The following COL23A1 variants were observed in gnomAD, a reference collection of about 807,000 sequenced individuals.
The protein encoded by COL23A1 is collagen alpha-1(XXIII) chain.
COL23A1 carries 97 observed loss-of-function variants against 99.3 expected under a neutral mutation model. That is an observed-to-expected ratio of 0.98 (90% CI 0.83 to 1.16). The LOEUF (loss-of-function observed/expected upper bound fraction) is 1.16, where lower values mean the gene tolerates loss of function less well. COL23A1 is among the 50% of genes most tolerant of loss of function. The probability of loss-of-function intolerance (pLI) is 0.00; values close to 1 mark genes in which losing one functional copy is unlikely to be tolerated. For missense variants in COL23A1, 762 were observed against 757.4 expected (o/e 1.01, Z -0.07); for synonymous variants, 320 against 308.2 (o/e 1.04, Z -0.40).
intron 2 of COL23A1, among the ~76,000 whole-genome samples, chr5:178,467,464 A>G (rs1027054696): frequency 2.0e-5 from 3 of 152,136 alleles, no homozygotes; most frequent in Admixed American, 6.5e-5. Context: ...CTTTAGCCGG[A>G]CTACACGGAG....
chr5:178,553,003 T>G (rs1411943754), intron 2 of COL23A1, among the ~76,000 whole-genome samples: 1 of 151,996 alleles, frequency 6.6e-6, no homozygotes, highest in African/African-American at 2.4e-5. Context: ...CCACTGCGCC[T>G]GGCCAGGAAA....
At position 178,366,153 on chromosome 5, in the gene COL23A1, C is replaced by T. The variant is rs1762465378; in HGVS notation, c.362-59234G>A. Among the ~76,000 whole-genome samples the T allele has an allele frequency of 6.6e-6, 1 of 152,184 alleles. No individual in the cohort carries two copies. Among genetic ancestry groups the T allele is most frequent in the South Asian group, 2.1e-4 (1 of 4,834 alleles). On this transcript the variant is annotated intron_variant, in intron 2 of 28. Coordinates refer to ENST00000390654, the MANE Select transcript of COL23A1 (RefSeq NM_173465.4). This position sits in a 1 kb window ranked among gnomAD's most constrained non-coding sequence, Gnocchi z 4.4. ...ATCTACCCTACGAGGAGGCGAGTCC[C>T]CAAGGGCAGGGCTGGGTCTGATTCA... is the stretch of plus-strand genomic sequence containing the variant.
chr5:178,552,818 A>T (rs1762069770), intron 2 of COL23A1, among the ~76,000 whole-genome samples: 1 of 151,466 alleles, frequency 6.6e-6, no homozygotes, highest in South Asian at 2.1e-4. Context: ...GGTTCAAGTG[A>T]TTCTCCTGCC....
At chr5:178,355,924 C>G (rs1356228445) in intron 2 of COL23A1, among the ~76,000 whole-genome samples, 2 of 152,204 alleles carry the variant, frequency 1.3e-5, no homozygotes, top group Admixed American at 1.3e-4. Flanking sequence ...GATTATACCA[C>G]TTGAATGTTG....
chr5:178,514,927 G>C (rs1759419678), intron 2 of COL23A1, among the ~76,000 whole-genome samples: 1 of 152,216 alleles, frequency 6.6e-6, no homozygotes, highest in South Asian at 2.1e-4. Context: ...TCAGTAAAGG[G>C]ACCAAGTCTC....
intron 28 of COL23A1, 111 bp from the exon 29 acceptor site, chr5:178,238,811 T>TC (rs1467253232): frequency 5.0e-6 from 7 of 1,392,542 alleles, no homozygotes; most frequent in Middle Eastern, 2.5e-4. Flanking sequence ...CTATCTTCCC[T>TC]CCCCCCACTC....
At chr5:178,507,584 A>T (rs970185919) in intron 2 of COL23A1, among the ~76,000 whole-genome samples, 1 of 152,074 alleles carries the variant, frequency 6.6e-6, no homozygotes, top group African/African-American at 2.4e-5. Flanking sequence ...GAGAATCTTG[A>T]TTCCTCATTA....
At chr5:178,260,777 A>AG (rs1279634403) in intron 11 of COL23A1, among the ~76,000 whole-genome samples, 1 of 151,950 alleles carries the variant, frequency 6.6e-6, no homozygotes, top group African/African-American at 2.4e-5. Context: ...CTGGGCGACA[A>AG]GAGCAAGACT....
intron 2 of COL23A1, among the ~76,000 whole-genome samples, chr5:178,524,242 T>G (rs965832430): frequency 6.6e-6 from 1 of 152,226 alleles, no homozygotes; most frequent in Admixed American, 6.5e-5. Flanking sequence ...TTCCTCCATG[T>G]TGGCTTCATT....
At chr5:178,464,090 C>T (rs1348957689) in intron 2 of COL23A1, among the ~76,000 whole-genome samples, 2 of 152,244 alleles carry the variant, frequency 1.3e-5, no homozygotes, top group Non-Finnish European at 1.5e-5. Flanking sequence ...ATCTTAACTA[C>T]GTTTAAGCGT....
chr5:178,580,255 G>A (rs1354986521), intron 1 of COL23A1, among the ~76,000 whole-genome samples: 1 of 151,858 alleles, frequency 6.6e-6, no homozygotes, highest in Non-Finnish European at 1.5e-5. Context: ...TTGAACCTGA[G>A]AGGCAGAGGC....
chr5:178,587,807 G>A (rs1351947345), intron 1 of COL23A1, among the ~76,000 whole-genome samples: 2 of 152,194 alleles, frequency 1.3e-5, no homozygotes, highest in African/African-American at 4.8e-5. Flanking sequence ...TACCGGCCAG[G>A]CTGTGTACAT....
chr5:178,521,565 A>G (rs969192427), intron 2 of COL23A1, among the ~76,000 whole-genome samples: 4 of 152,282 alleles, frequency 2.6e-5, no homozygotes, highest in Middle Eastern at 3.4e-3. Context: ...AAAAAAAAAA[A>G]AAAAAACTAT....
Position 178,506,053 on chromosome 5 carries a change from T to A in COL23A1, c.361+54629A>T, listed in dbSNP as rs577769563. Among the ~76,000 whole-genome samples the A allele has an allele frequency of 2.6e-5, 4 of 152,302 alleles. No individual in the cohort carries two copies. The East Asian group carries it at 5.8e-4, about 22-fold the overall frequency. Reference sequence around the variant, plus strand: ...CCCATAGGACATACCCACTCTGCACTGCAGCAGAGCCGGTGAAGCACGTGG... The same window carrying A: ...CCCATAGGACATACCCACTCTGCACAGCAGCAGAGCCGGTGAAGCACGTGG... On this transcript the variant is annotated intron_variant, in intron 2 of 28. Transcript: ENST00000390654.
chr5:178,470,763 T>C (rs1756699912), intron 2 of COL23A1, among the ~76,000 whole-genome samples: 1 of 148,076 alleles, frequency 6.8e-6, no homozygotes, highest in Non-Finnish European at 1.5e-5. Flanking sequence ...GCACTTCCCA[T>C]AAGACACTGG....
chr5:178,575,039 A>G (rs909837925), intron 1 of COL23A1, among the ~76,000 whole-genome samples: 1 of 152,196 alleles, frequency 6.6e-6, no homozygotes, highest in African/African-American at 2.4e-5. Context: ...CAGAAGAAGG[A>G]AAGGACAGCT....
At chr5:178,462,070 T>C in intron 2 of COL23A1, among the ~76,000 whole-genome samples, 1 of 152,216 alleles carries the variant, frequency 6.6e-6, no homozygotes, top group East Asian at 1.9e-4. Flanking sequence ...TGCTGGCTCA[T>C]AGTAGGAGCT....
intron 1 of COL23A1, among the ~76,000 whole-genome samples, chr5:178,568,971 T>C (rs1762961568): frequency 6.6e-6 from 1 of 152,192 alleles, no homozygotes; most frequent in Admixed American, 6.5e-5. Flanking sequence ...ATATGGTAAT[T>C]TCACATTTAA....
chr5:178,519,019 C>T (rs1208674178), intron 2 of COL23A1, among the ~76,000 whole-genome samples: 3 of 150,548 alleles, frequency 2.0e-5, no homozygotes, highest in African/African-American at 7.3e-5. Flanking sequence ...GTCCCGGCTC[C>T]GCACTGCCCC....
Sources: gnomAD v4.1 joint callset for allele counts (sites outside exome capture counted in the v4.1 genomes callset) on GRCh38, gnomAD v4.1.1 for gene constraint, Gnocchi (gnomAD v3.1) non-coding constraint, MANE v1.5 for transcripts, NCBI Gene and HGNC (gene_info 2026-07-23, HGNC 2026-07-21) for gene names.